Variants in ATXN1 observed in about 807,000 individuals in gnomAD.
ATXN1 encodes the protein ataxin-1.
In ATXN1, 8 loss-of-function variants were observed where a neutral mutation model predicts 56.4. The observed-to-expected ratio is 0.14, with a 90% CI of 0.08 to 0.26. ATXN1 has a LOEUF of 0.26. Ranked by LOEUF, ATXN1 falls within the 10% of genes least tolerant of loss-of-function variation. The pLI, the probability that ATXN1 is intolerant of heterozygous loss-of-function variation, is 1.00. For synonymous variants in ATXN1, 514 were observed against 494.6 expected (o/e 1.04, Z -0.52); for missense variants, 987 against 1,106.5 (o/e 0.89, Z 1.53).
intron 2 of ATXN1, among the ~76,000 whole-genome samples, chr6:16,683,183 G>C (rs1430098567): frequency 6.6e-6 from 1 of 152,112 alleles, no homozygotes; most frequent in Admixed American, 6.5e-5. Context: ...TTCCTCCTGT[G>C]TTTAGGGTTC....
intron 2 of ATXN1, chr6:16,739,182 A>AC: frequency 6.8e-6 from 1 of 147,130 alleles, no homozygotes; most frequent in Admixed American, 7.0e-5. Context: ...AAAAAAAAAA[A>AC]AAAAAAACCC....
intron 6 of ATXN1, among the ~76,000 whole-genome samples, chr6:16,335,998 C>G (rs997372350): frequency 6.6e-6 from 1 of 152,214 alleles, no homozygotes; most frequent in Non-Finnish European, 1.5e-5. Flanking sequence ...TTTTAAGCCA[C>G]GATATGTTTT....
At chr6:16,323,397 T>G (rs1760727177) in intron 7 of ATXN1, among the ~76,000 whole-genome samples, 1 of 151,922 alleles carries the variant, frequency 6.6e-6, no homozygotes, top group Non-Finnish European at 1.5e-5. Flanking sequence ...CGTGTGCCTG[T>G]AGTCTCGGCT....
intron 2 of ATXN1, among the ~76,000 whole-genome samples, chr6:16,660,776 A>AAACAGGTTCTCAGTAGAAT (rs1758300944): frequency 6.6e-6 from 1 of 151,918 alleles, no homozygotes; most frequent in African/African-American, 2.4e-5. Flanking sequence ...AATAAGAGAC[A>AAACAGGTTCTCAGTAGAAT]AACAGGTTCT....
intron 6 of ATXN1, among the ~76,000 whole-genome samples, chr6:16,448,598 G>A (rs1197787492): frequency 6.6e-6 from 1 of 152,156 alleles, no homozygotes; most frequent in East Asian, 1.9e-4. Flanking sequence ...CAGCACCTAT[G>A]AGTCTTAGCA....
At chr6:16,563,802 G>A (rs1016321747) in intron 4 of ATXN1, among the ~76,000 whole-genome samples, 3 of 147,920 alleles carry the variant, frequency 2.0e-5, no homozygotes, top group African/African-American at 8.0e-5. Flanking sequence ...CCATGACGCC[G>A]CTGCACTCAG....
chr6:16,387,228 T>A (rs1045743879), intron 6 of ATXN1, among the ~76,000 whole-genome samples: 7 of 152,168 alleles, frequency 4.6e-5, no homozygotes, highest in Non-Finnish European at 1.0e-4. Flanking sequence ...AGAACCCGGA[T>A]GAAGTAGAAG....
intron 4 of ATXN1, among the ~76,000 whole-genome samples, chr6:16,555,715 T>C (rs913191075): frequency 6.6e-6 from 1 of 152,216 alleles, no homozygotes; most frequent in African/African-American, 2.4e-5. Context: ...GATAATTGTG[T>C]AGTGTGTCCC....
In ATXN1 at chr6:16,326,641, A is replaced by G. The variant is rs779004400; in HGVS notation, c.1670T>C (p.Val557Ala). Residue 557 changes from valine (V) to alanine (A), a missense_variant, in exon 7 of 8, where the codon GTG becomes GCG. By Grantham distance (64) the Val-to-Ala change is moderately conservative. Around this residue, in one of 3 missense-constraint regions of ATXN1, gnomAD observed 723 missense variants for 791.7 expected, o/e 0.91. Coordinates refer to ENST00000436367, the MANE Select transcript of ATXN1 (RefSeq NM_001128164.2). The surrounding 1 kb of genome is among the most constrained non-coding windows in gnomAD (Gnocchi z 6.6). ...MVQAQIHLPV[V>A]QSVASPAAAP... ...CGCCGCCGGGGAGGCCACGGACTGCACCACAGGCAGGTGGATCTGGGCCTG... is the reference window on the plus strand; with the variant it reads ...CGCCGCCGGGGAGGCCACGGACTGCGCCACAGGCAGGTGGATCTGGGCCTG... 1.9e-5 allele frequency: 31 copies of G among 1,613,710 alleles called. No homozygotes were observed. Among genetic ancestry groups the G allele is most frequent in the African/African-American group, 4.0e-5 (3 of 74,938 alleles).
intron 2 of ATXN1, among the ~76,000 whole-genome samples, chr6:16,700,334 A>G (rs892860652): frequency 1.3e-5 from 2 of 152,178 alleles, no homozygotes; most frequent in African/African-American, 4.8e-5. Flanking sequence ...ATAAGAACAC[A>G]GTCCCTGATT....
intron 6 of ATXN1, among the ~76,000 whole-genome samples, chr6:16,419,440 T>C (rs1178370685): frequency 6.6e-6 from 1 of 151,558 alleles, no homozygotes. Context: ...TATAAATATA[T>C]ACATTAATAT....
In ATXN1 at chr6:16,409,802, CAT is replaced by C. The variant is rs145487710; in HGVS notation, c.-161+76168_-161+76169del. Among the ~76,000 whole-genome samples, 3,790 of 152,228 alleles carry C rather than the reference CAT, an allele frequency of 0.025. 373 individuals are homozygous for C. The East Asian group carries it at 0.32, about 13-fold the overall frequency. ...CTTTGCCCCCCACCCCACAGCCTCA[CAT>C]GTCTTGGTTTGCGGCTTTTAAACAG... On this transcript the variant is annotated intron_variant, in intron 6 of 7. Coordinates refer to ENST00000436367, the MANE Select transcript of ATXN1 (RefSeq NM_001128164.2).
intron 6 of ATXN1, among the ~76,000 whole-genome samples, chr6:16,385,611 T>C (rs1758224037): frequency 1.3e-5 from 2 of 152,358 alleles, no homozygotes; most frequent in South Asian, 4.1e-4. Flanking sequence ...CCTTAATTTC[T>C]CGTTTTACTT....
chr6:16,677,284 G>A (rs1045366056), intron 2 of ATXN1, among the ~76,000 whole-genome samples: 4 of 152,094 alleles, frequency 2.6e-5, no homozygotes, highest in African/African-American at 9.7e-5. Context: ...CTGGGAGAGG[G>A]GAGTCTTCTA....
intron 6 of ATXN1, among the ~76,000 whole-genome samples, chr6:16,412,943 T>A (rs532004888): frequency 1.3e-5 from 2 of 152,304 alleles, no homozygotes; most frequent in South Asian, 2.1e-4. Context: ...ATCATCAAAG[T>A]GGATGAGGGC....
At chr6:16,622,984 G>T (rs997912765) in intron 3 of ATXN1, among the ~76,000 whole-genome samples, 1 of 151,716 alleles carries the variant, frequency 6.6e-6, no homozygotes, top group Non-Finnish European at 1.5e-5. Flanking sequence ...AACTTTTTTG[G>T]CTTCATATCA....
At chr6:16,751,125 T>A (rs767681967) in intron 2 of ATXN1, among the ~76,000 whole-genome samples, 6 of 151,992 alleles carry the variant, frequency 3.9e-5, no homozygotes, top group Non-Finnish European at 8.8e-5. Context: ...CCTGCCACAA[T>A]GCCTGGCTAA....
intron 6 of ATXN1, among the ~76,000 whole-genome samples, chr6:16,400,399 T>C (rs576366276): frequency 2.4e-4 from 37 of 152,206 alleles, no homozygotes; most frequent in African/African-American, 8.4e-4. Context: ...CTATCCTCAT[T>C]CGAAAATTCC....
chr6:16,603,009 T>C (rs919482013), intron 3 of ATXN1, among the ~76,000 whole-genome samples: 1 of 152,190 alleles, frequency 6.6e-6, no homozygotes, highest in South Asian at 2.1e-4. Flanking sequence ...CCCATTGCAA[T>C]GTTAAAGAGC....
Sources: gnomAD v4.1 joint callset for allele counts (sites outside exome capture counted in the v4.1 genomes callset) on GRCh38, gnomAD v4.1.1 for gene constraint, gnomAD v4.1.1 regional missense constraint, Gnocchi (gnomAD v3.1) non-coding constraint, MANE v1.5 for transcripts, NCBI Gene and HGNC (gene_info 2026-07-23, HGNC 2026-07-21) for gene names.